PCDH15: variants seen among roughly 807,000 people sequenced by gnomAD.
The protein encoded by PCDH15 is protocadherin related 15.
PCDH15 carries 129 observed loss-of-function variants against 178.5 expected under a neutral mutation model. That is an observed-to-expected ratio of 0.72 (90% CI 0.63 to 0.84). PCDH15 has a LOEUF of 0.84. Among genes scored for constraint, PCDH15 ranks in the 40% least tolerant of loss-of-function variants. PCDH15 has a pLI of 0.00. For synonymous variants in PCDH15, 800 were observed against 732.0 expected, an observed-to-expected ratio of 1.09 and a Z score of -1.50; for missense variants, 2,230 against 2,099.9, an observed-to-expected ratio of 1.06 and a Z score of -1.21.
chr10:54,368,529 T>A (rs936974704), intron 5 of PCDH15, among the ~76,000 whole-genome samples: 1 of 151,992 alleles, frequency 6.6e-6, no homozygotes, highest in Non-Finnish European at 1.5e-5. Flanking sequence ...TTATGCACTT[T>A]AGCCAAAAGA....
intron 3 of PCDH15, among the ~76,000 whole-genome samples, chr10:54,499,451 A>C (rs1178010037): frequency 6.6e-6 from 1 of 152,194 alleles, no homozygotes; most frequent in African/African-American, 2.4e-5. Context: ...ATTCAAAAAA[A>C]GCAAAATTAT....
chr10:55,626,072 C>A (rs1837520071), intron 2 of PCDH15, among the ~76,000 whole-genome samples: 5 of 151,682 alleles, frequency 3.3e-5, no homozygotes, highest in Admixed American at 3.3e-4. Flanking sequence ...ATACAAGTAA[C>A]AAGGGCCATT....
chr10:54,421,816 G>GTGTA (rs1297485134), intron 3 of PCDH15, among the ~76,000 whole-genome samples: 16 of 107,988 alleles, frequency 1.5e-4, no homozygotes, highest in Non-Finnish European at 2.5e-4. Context: ...TGTAGTGTGT[G>GTGTA]TATATATATA....
chr10:55,514,148 T>C (rs1840953151), intron 2 of PCDH15, among the ~76,000 whole-genome samples: 1 of 152,058 alleles, frequency 6.6e-6, no homozygotes, highest in Non-Finnish European at 1.5e-5. Context: ...ATAAAACATT[T>C]TAATATATGA....
chr10:54,591,437 A>G (rs1283234791), intron 2 of PCDH15, among the ~76,000 whole-genome samples: 1 of 152,208 alleles, frequency 6.6e-6, no homozygotes, highest in African/African-American at 2.4e-5. Context: ...GGTGGCCACT[A>G]TAAGCTAGAA....
chr10:54,045,348 A>G (rs1227393779), intron 18 of PCDH15, among the ~76,000 whole-genome samples: 1 of 152,100 alleles, frequency 6.6e-6, no homozygotes, highest in Non-Finnish European at 1.5e-5. Context: ...GTCCCATTAA[A>G]CCAATATTTA....
chr10:55,356,801 C>T (rs367976651), intron 2 of PCDH15, among the ~76,000 whole-genome samples: 1 of 151,780 alleles, frequency 6.6e-6, no homozygotes, highest in African/African-American at 2.4e-5. Flanking sequence ...AGTAACATTC[C>T]GAGATTACAT....
At chr10:55,381,833 G>A (rs1837540306) in intron 2 of PCDH15, among the ~76,000 whole-genome samples, 1 of 152,152 alleles carries the variant, frequency 6.6e-6, no homozygotes, top group Non-Finnish European at 1.5e-5. Flanking sequence ...CTCACCACCA[G>A]CTGTTTTACC....
chr10:55,549,908 A>G (rs1041102179), intron 2 of PCDH15, among the ~76,000 whole-genome samples: 5 of 141,180 alleles, frequency 3.5e-5, no homozygotes, highest in African/African-American at 1.3e-4. Flanking sequence ...CGCCTCACGC[A>G]TGTGTTTCTG....
chr10:54,478,999 G>A (rs1251696702), intron 3 of PCDH15, among the ~76,000 whole-genome samples: 3 of 145,040 alleles, frequency 2.1e-5, no homozygotes, highest in African/African-American at 5.1e-5. Flanking sequence ...GATAAGCTAG[G>A]GAAAAGAAAA....
At chr10:54,828,776 C>G (rs972751367) in intron 3 of PCDH15, among the ~76,000 whole-genome samples, 1 of 151,838 alleles carries the variant, frequency 6.6e-6, no homozygotes, top group Admixed American at 6.6e-5. Flanking sequence ...CAAAAATAAA[C>G]AGTCACATAA....
intron 10 of PCDH15, among the ~76,000 whole-genome samples, chr10:54,199,558 CA>C: frequency 8.7e-6 from 1 of 114,910 alleles, no homozygotes; most frequent in East Asian, 3.3e-4. Flanking sequence ...TGAATTTAAA[CA>C]ACAACAACAA....
At chr10:54,084,137 G>C (rs1411224675) in intron 16 of PCDH15, among the ~76,000 whole-genome samples, 3 of 151,190 alleles carry the variant, frequency 2.0e-5, no homozygotes, top group Middle Eastern at 6.8e-3. Context: ...CCAGGCTAGA[G>C]AGCAATGGCA....
chr10:53,991,780 T>G (rs2091503973), intron 21 of PCDH15, among the ~76,000 whole-genome samples: 1 of 152,132 alleles, frequency 6.6e-6, no homozygotes, highest in Non-Finnish European at 1.5e-5. Flanking sequence ...CAATCAGCAC[T>G]CTGTGTCTAG....
At position 53,855,786 on chromosome 10, in the gene PCDH15, C is replaced by T. The variant is rs571656243; in HGVS notation, c.3806+1389G>A. 2.0e-5 allele frequency among the ~76,000 whole-genome samples: 3 copies of T among 151,188 alleles called. No homozygotes were observed. In the South Asian group the frequency reaches 6.2e-4, roughly 31 times the overall value. ...AACCTAATGCAGGCAGAGCTTAAAA[C>T]CTAGACAACGGGTTGATAGGTGCAG... On this transcript the variant is annotated intron_variant, in intron 28 of 37. Coordinates refer to ENST00000644397, the MANE Select transcript of PCDH15 (RefSeq NM_001384140.1).
intron 2 of PCDH15, among the ~76,000 whole-genome samples, chr10:55,404,127 C>T (rs992003706): frequency 6.6e-6 from 1 of 151,776 alleles, no homozygotes; most frequent in Admixed American, 6.6e-5. Context: ...ATAAGAATAC[C>T]CCCCACATTT....
chr10:53,835,023 C>G (rs148711233), intron 29 of PCDH15, among the ~76,000 whole-genome samples: 255 of 152,310 alleles, frequency 1.7e-3, no homozygotes, highest in East Asian at 7.3e-3. Flanking sequence ...TAAGATTTTT[C>G]TGCTTAATCA....
chr10:54,951,565 T>G (rs1838339400), intron 2 of PCDH15, among the ~76,000 whole-genome samples: 1 of 151,948 alleles, frequency 6.6e-6, no homozygotes, highest in South Asian at 2.1e-4. Context: ...TCACCACATA[T>G]GGGCAAAGAT....
chr10:55,480,970 C>CT (rs575847336), intron 2 of PCDH15, among the ~76,000 whole-genome samples: 1 of 151,554 alleles, frequency 6.6e-6, no homozygotes, highest in South Asian at 2.1e-4. Flanking sequence ...TGGTCCTGGG[C>CT]TTTTTTAGGT....
Sources: gnomAD v4.1 joint callset for allele counts (sites outside exome capture counted in the v4.1 genomes callset) on GRCh38, gnomAD v4.1.1 for gene constraint, MANE v1.5 for transcripts, NCBI Gene and HGNC (gene_info 2026-07-23, HGNC 2026-07-21) for gene names.